Variants in DLG2 observed in about 807,000 individuals in gnomAD.
The protein encoded by DLG2 is discs large MAGUK scaffold protein 2.
Under a neutral mutation model 132.5 loss-of-function variants are expected in DLG2, and 45 were observed. The observed-to-expected ratio is 0.34, with a 90% confidence interval of 0.27 to 0.44. The LOEUF is 0.44. Among genes scored for constraint, DLG2 ranks in the 20% least tolerant of loss-of-function variants. The probability of loss-of-function intolerance (pLI) is 1.00; values close to 1 mark genes in which losing one functional copy is unlikely to be tolerated. For synonymous variants in DLG2, 424 were observed against 419.6 expected, an observed-to-expected ratio of 1.01 and a Z score of -0.13; for missense variants, 1,045 against 1,196.9, an observed-to-expected ratio of 0.87 and a Z score of 1.87.
chr11:84,949,033 G>A (rs983608983), intron 6 of DLG2, among the ~76,000 whole-genome samples: 5 of 152,150 alleles, frequency 3.3e-5, no homozygotes, highest in African/African-American at 1.2e-4. Context: ...ACTTTTCGGA[G>A]GACCCGCCCC....
chr11:84,307,576 G>A (rs1046281591), intron 7 of DLG2, among the ~76,000 whole-genome samples: 3 of 151,660 alleles, frequency 2.0e-5, no homozygotes, highest in Admixed American at 6.6e-5. Flanking sequence ...GGCGCCTGTA[G>A]TCCCAGCTAC....
chr11:84,086,298 A>G (rs991039796), intron 10 of DLG2, among the ~76,000 whole-genome samples: 1 of 152,144 alleles, frequency 6.6e-6, no homozygotes, highest in African/African-American at 2.4e-5. Flanking sequence ...GTAAATGGGG[A>G]TATTTATGCC....
chr11:85,377,635 T>C (rs2085508242), intron 3 of DLG2, among the ~76,000 whole-genome samples: 1 of 151,970 alleles, frequency 6.6e-6, no homozygotes, highest in Non-Finnish European at 1.5e-5. Flanking sequence ...GCTAATTCAT[T>C]CAAGTTTGCT....
chr11:83,573,285 C>T (rs1489681645), intron 19 of DLG2, among the ~76,000 whole-genome samples: 9 of 152,090 alleles, frequency 5.9e-5, no homozygotes, highest in African/African-American at 7.2e-5. Context: ...AGTCAGATTT[C>T]GGTCTTAGTC....
intron 9 of DLG2, among the ~76,000 whole-genome samples, chr11:84,107,546 A>G (rs750758844): frequency 1.3e-5 from 2 of 152,106 alleles, no homozygotes; most frequent in African/African-American, 2.4e-5. Flanking sequence ...ATACACATGC[A>G]CATACACACA....
chr11:83,533,550 A>C (rs1249695861), intron 20 of DLG2, among the ~76,000 whole-genome samples: 1 of 152,214 alleles, frequency 6.6e-6, no homozygotes, highest in Non-Finnish European at 1.5e-5. Flanking sequence ...AGAAAGCATT[A>C]GGATGGGCTT....
chr11:84,393,753 T>TA (rs1180957551), intron 7 of DLG2, among the ~76,000 whole-genome samples: 2 of 152,194 alleles, frequency 1.3e-5, no homozygotes, highest in African/African-American at 4.8e-5. Context: ...TTTCCCTTTT[T>TA]AAAAGTGGTC....
chr11:84,765,058 C>A (rs1001701218), intron 6 of DLG2, among the ~76,000 whole-genome samples: 15 of 151,870 alleles, frequency 9.9e-5, no homozygotes, highest in Non-Finnish European at 2.1e-4. Context: ...TATTTTGTAC[C>A]TTTCATATTA....
At chr11:84,844,474 T>C (rs1822130196) in intron 6 of DLG2, among the ~76,000 whole-genome samples, 1 of 151,920 alleles carries the variant, frequency 6.6e-6, no homozygotes, top group Non-Finnish European at 1.5e-5. Context: ...CATCTTCAAG[T>C]ACCTGTATTC....
At chr11:85,087,899 G>A (rs556099554) in intron 6 of DLG2, among the ~76,000 whole-genome samples, 1 of 148,820 alleles carries the variant, frequency 6.7e-6, no homozygotes, top group East Asian at 2.0e-4. Flanking sequence ...AGGACACTGT[G>A]TTAAGGAATT....
At chr11:84,495,311 G>C (rs1307455225) in intron 7 of DLG2, among the ~76,000 whole-genome samples, 3 of 152,008 alleles carry the variant, frequency 2.0e-5, no homozygotes, top group Non-Finnish European at 2.9e-5. Context: ...TCAAGTCTCA[G>C]CTCAACATAT....
chr11:85,349,874 G>A lies in DLG2; in HGVS notation c.41-64509C>T, dbSNP rs545842840. On this transcript the variant is annotated intron_variant, in intron 3 of 27. Coordinates refer to ENST00000376104, the MANE Select transcript of DLG2 (RefSeq NM_001142699.3). Reference sequence around the variant, plus strand: ...GTGAATAGTGCTGCAGTAAACATACGTGTGCACGTGTCTTTATAGTAGAAT... The same window carrying A: ...GTGAATAGTGCTGCAGTAAACATACATGTGCACGTGTCTTTATAGTAGAAT... 6.6e-5 allele frequency among the ~76,000 whole-genome samples: 10 copies of A among 152,268 alleles called. No homozygotes were observed. In the East Asian group the frequency reaches 7.7e-4, roughly 12 times the overall value.
At chr11:83,815,562 G>A (rs961706332) in intron 17 of DLG2, among the ~76,000 whole-genome samples, 1 of 152,052 alleles carries the variant, frequency 6.6e-6, no homozygotes, top group Non-Finnish European at 1.5e-5. Flanking sequence ...TAGTGCCTAC[G>A]CTCCAGCTGG....
rs867755889 is a variant in DLG2 at position 84,679,981 on chromosome 11, A to G, written c.358-145250T>C. ...ACAATTTAGCTCTCGTACTGAGCCA[A>G]CAGGTAGTGCTCTTCATGAGCATAG... On this transcript the variant is annotated intron_variant, in intron 6 of 27. Coordinates refer to ENST00000376104, the MANE Select transcript of DLG2 (RefSeq NM_001142699.3). 3.9e-5 allele frequency among the ~76,000 whole-genome samples: 6 copies of G among 152,256 alleles called. No individual in the cohort carries two copies. The South Asian group carries it at 6.2e-4, about 16-fold the overall frequency.
rs540199503 is a variant in DLG2, at chr11:83,559,618, ACCAGGTACGTTGCCATGTAC to A, written c.1941-17780_1941-17761del. On this transcript the variant is annotated intron_variant, in intron 19 of 27. Coordinates refer to ENST00000376104, the MANE Select transcript of DLG2 (RefSeq NM_001142699.3). ...CAAATTAACAGAATTCCAAGTTTTA[ACCAGGTACGTTGCCATGTAC>A]CTAAAATACTATATTTCTTTGCATC... 5.8e-3 allele frequency among the ~76,000 whole-genome samples: 879 copies of A among 152,278 alleles called. 5 individuals are homozygous for A. Among genetic ancestry groups the A allele is most frequent in the Middle Eastern group, 0.024 (7 of 294 alleles).
chr11:84,995,200 G>A (rs141484717), intron 6 of DLG2, among the ~76,000 whole-genome samples: 7 of 152,120 alleles, frequency 4.6e-5, no homozygotes, highest in East Asian at 3.9e-4. Context: ...AGTATCTTAC[G>A]GTAAAGATGA....
At chr11:84,923,080 C>T in intron 6 of DLG2, 1 of 1,613,996 alleles carries the variant, frequency 6.2e-7, no homozygotes, top group South Asian at 1.1e-5. Flanking sequence ...CTCTTACCTT[C>T]ACGTTAGTCC....
intron 6 of DLG2, among the ~76,000 whole-genome samples, chr11:84,783,303 AAAGT>A (rs937798394): frequency 1.3e-5 from 2 of 152,146 alleles, no homozygotes; most frequent in African/African-American, 4.8e-5. Context: ...ACACTTAAAT[AAAGT>A]ATTTGTTCTG....
At chr11:83,651,723 G>T (rs893027329) in intron 18 of DLG2, 6 of 370,934 alleles carry the variant, frequency 1.6e-5, no homozygotes, top group African/African-American at 1.3e-4. Flanking sequence ...GCCCTCGGAA[G>T]TCTACTTTAT....
Sources: allele counts gnomAD v4.1 joint callset (sites outside exome capture counted in the v4.1 genomes callset), GRCh38; gene constraint gnomAD v4.1.1; transcripts MANE v1.5; gene names NCBI Gene and HGNC (gene_info 2026-07-23, HGNC 2026-07-21).